Variants in FGD4 observed in about 807,000 individuals in gnomAD.
FGD4 encodes FYVE, RhoGEF and PH domain containing 4, also known as FYVE, RhoGEF and PH domain-containing protein 4.
In FGD4, 42 loss-of-function variants were observed where a neutral mutation model predicts 102.0. The observed-to-expected ratio is 0.41, with a 90% CI of 0.32 to 0.53. The LOEUF (loss-of-function observed/expected upper bound fraction) is 0.53. Ranked by LOEUF, FGD4 falls within the 20% of genes least tolerant of loss-of-function variation. FGD4 has a pLI of 0.21. For synonymous variants in FGD4, 380 were observed against 375.7 expected (o/e 1.01, Z -0.13); for missense variants, 902 against 1,078.2 (o/e 0.84, Z 2.29).
intron 7 of FGD4, among the ~76,000 whole-genome samples, chr12:32,604,417 G>C (rs1351303641): frequency 6.6e-6 from 1 of 151,886 alleles, no homozygotes; most frequent in Non-Finnish European, 1.5e-5. Context: ...TTGAACTCCT[G>C]GGTTCAAATG....
chr12:32,625,153 CT>C, intron 13 of FGD4, 85 bp downstream of exon 13: 3 of 1,189,192 alleles, frequency 2.5e-6, no homozygotes, highest in Non-Finnish European at 3.7e-6. Context: ...GTTCTCCAAC[CT>C]TTTCCCTTTA....
At chr12:32,442,397 T>A (rs745991232) in intron 1 of FGD4, among the ~76,000 whole-genome samples, 2 of 152,082 alleles carry the variant, frequency 1.3e-5, no homozygotes, top group African/African-American at 4.8e-5. Flanking sequence ...CACTGTGATA[T>A]GAAGTTAAAA....
intron 14 of FGD4, among the ~76,000 whole-genome samples, chr12:32,630,163 T>G (rs1045819215): frequency 1.3e-5 from 2 of 152,186 alleles, no homozygotes; most frequent in Admixed American, 1.3e-4. Context: ...TTCATTGGGT[T>G]TGGGGGCCTT....
At chr12:32,560,848 A>G (rs1186128530) in intron 1 of FGD4, among the ~76,000 whole-genome samples, 1 of 151,546 alleles carries the variant, frequency 6.6e-6, no homozygotes, top group Non-Finnish European at 1.5e-5. Flanking sequence ...GCGCACCACC[A>G]TGCCCAGCTA....
Position 32,640,861 on chromosome 12 carries a change from T to A in FGD4, c.*328T>A. On this transcript the variant is annotated 3_prime_UTR_variant, in exon 17 of 17. Coordinates refer to ENST00000534526, the MANE Select transcript of FGD4 (RefSeq NM_001370298.3). ...GAGCACTTCCATTTAAGAAATCCTTTCATGTCTTCTTCTCTTTCACATGTA... is the reference window on the plus strand; with the variant it reads ...GAGCACTTCCATTTAAGAAATCCTTACATGTCTTCTTCTCTTTCACATGTA... The A allele has an allele frequency of 1.8e-6, 1 of 553,184 alleles. No homozygotes were observed. The highest frequency in any genetic ancestry group is 3.2e-6 in the Non-Finnish European group (1 of 311,314). 34.3% of individuals were successfully genotyped at this position (553,184 alleles called of 1,614,324 possible). A position where few individuals can be genotyped will look rare whatever the true frequency, so the allele number is the denominator to read the frequency against.
chr12:32,539,576 GAAA>G (rs397796289), intron 1 of FGD4, among the ~76,000 whole-genome samples: 4 of 140,816 alleles, frequency 2.8e-5, no homozygotes, highest in African/African-American at 1.0e-4. Context: ...TCTCAGGGGG[GAAA>G]AAAAAAAAAG....
At chr12:32,559,105 C>T (rs1421881418) in intron 1 of FGD4, among the ~76,000 whole-genome samples, 1 of 152,206 alleles carries the variant, frequency 6.6e-6, no homozygotes, top group African/African-American at 2.4e-5. Flanking sequence ...TGTAAAACTT[C>T]TTGAATGAGA....
intron 1 of FGD4, among the ~76,000 whole-genome samples, chr12:32,519,352 T>C (rs1047907287): frequency 6.6e-6 from 1 of 152,172 alleles, no homozygotes; most frequent in Non-Finnish European, 1.5e-5. Context: ...CAGAGCATTT[T>C]TGAAATGATT....
chr12:32,428,082 T>C (rs1024678669), intron 1 of FGD4, among the ~76,000 whole-genome samples: 23 of 152,340 alleles, frequency 1.5e-4, no homozygotes, highest in African/African-American at 5.1e-4. Context: ...AGTATTGTTA[T>C]GTGTGAATTT....
At chr12:32,424,992 T>C (rs926888866) in intron 1 of FGD4, among the ~76,000 whole-genome samples, 1 of 152,356 alleles carries the variant, frequency 6.6e-6, no homozygotes, top group African/African-American at 2.4e-5. Flanking sequence ...GATGGAGAGA[T>C]TGCAGAAATT....
At chr12:32,492,544 A>G (rs1944137568) in intron 1 of FGD4, among the ~76,000 whole-genome samples, 1 of 152,216 alleles carries the variant, frequency 6.6e-6, no homozygotes, top group Non-Finnish European at 1.5e-5. Flanking sequence ...TGCAACTCAT[A>G]TTTTAAGTAT....
intron 1 of FGD4, among the ~76,000 whole-genome samples, chr12:32,525,343 G>A (rs1405553924): frequency 4.6e-5 from 7 of 152,156 alleles, no homozygotes; most frequent in Non-Finnish European, 7.3e-5. Flanking sequence ...CACCACATAT[G>A]GCTATGTGTC....
intron 1 of FGD4, among the ~76,000 whole-genome samples, chr12:32,480,720 T>C (rs1475960651): frequency 1.6e-4 from 24 of 151,216 alleles, no homozygotes; most frequent in South Asian, 1.5e-3. Context: ...AGGATGCTCT[T>C]GCTCTCCTGA....
At chr12:32,624,537 G>T in intron 12 of FGD4, 85 bp downstream of exon 12, 1 of 1,145,254 alleles carries the variant, frequency 8.7e-7, no homozygotes, top group South Asian at 1.3e-5. Context: ...GCAGTGGTGT[G>T]ATCATGTCTC....
At chr12:32,537,139 A>G (rs2136103795) in intron 1 of FGD4, among the ~76,000 whole-genome samples, 1 of 152,104 alleles carries the variant, frequency 6.6e-6, no homozygotes, top group East Asian at 1.9e-4. Flanking sequence ...CAATCTCCTG[A>G]TCTCATTATC....
intron 1 of FGD4, among the ~76,000 whole-genome samples, chr12:32,518,605 A>G (rs1343967474): frequency 6.6e-6 from 1 of 152,190 alleles, no homozygotes. Context: ...TGAGGAGAGA[A>G]CAGAGACTGG....
rs997589259 is a variant in FGD4, at chr12:32,481,204, C to T, written c.166+81245C>T. ...CTGTAATCCCAGTACTTTGGGAGGC[C>T]GATGCGGTTGGATCATGAGGTCAGG... is the stretch of plus-strand genomic sequence containing the variant. On this transcript the variant is annotated intron_variant, in intron 1 of 16. Transcript: ENST00000534526. Among the ~76,000 whole-genome samples the T allele has an allele frequency of 1.1e-3, 152 of 142,228 alleles. 2 individuals carry two copies. Among genetic ancestry groups the T allele is most frequent in the Non-Finnish European group, 2.3e-4 (15 of 66,124 alleles). The allele number at this position is 142,228 out of a possible 152,430, so 93.3% of individuals were successfully genotyped here.
intron 4 of FGD4, among the ~76,000 whole-genome samples, chr12:32,585,399 A>G (rs1946943766): frequency 6.6e-6 from 1 of 151,974 alleles, no homozygotes; most frequent in Non-Finnish European, 1.5e-5. Flanking sequence ...TCAATTAAAA[A>G]ATTCAGTGTG....
intron 10 of FGD4, among the ~76,000 whole-genome samples, chr12:32,614,710 T>C (rs1949345906): frequency 6.6e-6 from 1 of 152,204 alleles, no homozygotes; most frequent in African/African-American, 2.4e-5. Context: ...TCTTAAAGAA[T>C]CTATAAAGGA....
Sources: gnomAD v4.1 joint callset for allele counts (sites outside exome capture counted in the v4.1 genomes callset) on GRCh38, gnomAD v4.1.1 for gene constraint, MANE v1.5 for transcripts, NCBI Gene and HGNC (gene_info 2026-07-23, HGNC 2026-07-21) for gene names.